Variants in CPAMD8 observed in about 807,000 individuals in gnomAD.
CPAMD8 encodes the protein C3 and PZP-like alpha-2-macroglobulin domain-containing protein 8.
Under a neutral mutation model 224.7 loss-of-function variants are expected in CPAMD8, and 146 were observed. The ratio of observed to expected loss-of-function variants is 0.65; its 90% CI spans 0.57 to 0.75. The LOEUF is 0.75. CPAMD8 is among the 30% of genes least tolerant of loss of function. The probability of loss-of-function intolerance (pLI) is 0.00; values close to 1 mark genes in which losing one functional copy is unlikely to be tolerated. For missense variants in CPAMD8, 2,301 were observed against 2,537.5 expected (o/e 0.91, Z 2.00); for synonymous variants, 966 against 1,044.6 (o/e 0.92, Z 1.45).
At chr19:16,941,792 G>C (rs1165081252) in intron 22 of CPAMD8, among the ~76,000 whole-genome samples, 2 of 152,052 alleles carry the variant, frequency 1.3e-5, no homozygotes, top group African/African-American at 4.8e-5. Flanking sequence ...GGCCAACATG[G>C]TGAAACCCTG....
At chr19:17,017,107 A>C (rs1027919701) in intron 3 of CPAMD8, among the ~76,000 whole-genome samples, 1 of 152,076 alleles carries the variant, frequency 6.6e-6, no homozygotes, top group Non-Finnish European at 1.5e-5. Context: ...CTCCCATCAG[A>C]TCAGTGGTGG....
At chr19:16,919,784 T>C (rs561872497) in intron 27 of CPAMD8, among the ~76,000 whole-genome samples, 4 of 152,294 alleles carry the variant, frequency 2.6e-5, no homozygotes, top group South Asian at 4.2e-4. Context: ...TGAATGAATG[T>C]GCGTTGAGTA....
In CPAMD8 at chr19:16,907,108, C is replaced by T; in HGVS notation, c.3871G>A (p.Gly1291Ser). The change falls in exon 30 of 42, where the codon GGC (glycine) becomes AGC (serine). Residue 1291 changes from glycine (G) to serine (S), a missense_variant. By Grantham distance (56) the Gly-to-Ser change is moderately conservative. This residue lies in a region of CPAMD8 where 1,709 missense variants were observed against 1,753.2 expected (regional missense o/e 0.97). Coordinates refer to ENST00000443236, the MANE Select transcript of CPAMD8 (RefSeq NM_015692.5). ...ETGTASEEERGSTDKARHFLE... is the reference protein window; with the variant it reads ...ETGTASEEERSSTDKARHFLE... ...AAGTGCCTCGCTTTGTCAGTGGAGC[C>T]TCTCTCCTCCTGCAGGGTGGGGTGG... 1 of 1,560,254 alleles carries T rather than the reference C, an allele frequency of 6.4e-7. No homozygotes were observed. The highest frequency in any genetic ancestry group is 8.7e-7 in the Non-Finnish European group (1 of 1,151,250).
In CPAMD8 at chr19:16,902,516, C is replaced by CA. The variant is rs1188076710; in HGVS notation, c.4685+132dup. On this transcript the variant is annotated intron_variant, in intron 35 of 41. Coordinates refer to ENST00000443236, the MANE Select transcript of CPAMD8 (RefSeq NM_015692.5). The stretch of plus-strand genomic sequence containing the variant: ...TGGGCGACAGGGTGAGACTCTGTCT[C>CA]AAAAAAACAAAACAAAACAAAAACC... 1.3e-5 allele frequency: 8 copies of CA among 622,602 alleles called. 1 individual carries two copies. Among genetic ancestry groups the CA allele is most frequent in the South Asian group, 5.7e-5 (3 of 53,012 alleles). The allele number at this position is 622,602 out of a possible 1,614,324, so 38.6% of individuals were successfully genotyped here.
At chr19:16,987,347 C>T (rs999425429) in intron 13 of CPAMD8, among the ~76,000 whole-genome samples, 11 of 151,436 alleles carry the variant, frequency 7.3e-5, no homozygotes, top group Non-Finnish European at 1.5e-4. Context: ...TCTTCCACCT[C>T]TGCCCAAGCA....
chr19:16,906,074 C>G (rs2052465062), intron 30 of CPAMD8, among the ~76,000 whole-genome samples: 1 of 152,160 alleles, frequency 6.6e-6, no homozygotes, highest in Non-Finnish European at 1.5e-5. Context: ...GGATCCCTCT[C>G]TGAGAACTCC....
intron 12 of CPAMD8, among the ~76,000 whole-genome samples, chr19:16,990,086 T>C (rs1182441557): frequency 6.6e-6 from 1 of 151,900 alleles, no homozygotes; most frequent in Admixed American, 6.6e-5. Flanking sequence ...ACCCCGTCTC[T>C]ACTGAAAAAA....
chr19:16,922,039 C>T lies in CPAMD8; in HGVS notation c.3548-53G>A, dbSNP rs1004400827. The T allele has an allele frequency of 3.1e-5, 40 of 1,286,192 alleles. No individual in the cohort carries two copies. In the Admixed American group the frequency reaches 4.1e-4, roughly 13 times the overall value. The allele number at this position is 1,286,192 out of a possible 1,614,324, so 79.7% of individuals were successfully genotyped here. On this transcript the variant is annotated intron_variant, in intron 26 of 41. Transcript: ENST00000443236. ...CCTGTTGAGTGGCCTGGCCCAGGCC[C>T]GCCCCCAGGGACCTACACCACTCTG...
At chr19:16,897,865 G>A (rs769904307) in intron 38 of CPAMD8, 24 bp downstream of exon 38, 8 of 1,590,204 alleles carry the variant, frequency 5.0e-6, no homozygotes, top group Non-Finnish European at 6.9e-6. Context: ...GGGCCGGGCC[G>A]GGGGTGCGGG....
intron 15 of CPAMD8, among the ~76,000 whole-genome samples, chr19:16,976,424 T>C (rs1482894521): frequency 1.3e-5 from 2 of 151,488 alleles, no homozygotes; most frequent in Non-Finnish European, 2.9e-5. Flanking sequence ...TGCAGGGAGC[T>C]GAGAGAGTGT....
chr19:16,922,880 T>C (rs919229938), intron 26 of CPAMD8, among the ~76,000 whole-genome samples: 1 of 152,184 alleles, frequency 6.6e-6, no homozygotes, highest in African/African-American at 2.4e-5. Context: ...CCACACTACA[T>C]CTAGGGTGGC....
intron 10 of CPAMD8, among the ~76,000 whole-genome samples, chr19:16,998,304 A>G (rs2056200755): frequency 6.6e-6 from 1 of 152,142 alleles, no homozygotes; most frequent in African/African-American, 2.4e-5. Context: ...TACTAAAAAT[A>G]CAAAAATTAT....
intron 29 of CPAMD8, among the ~76,000 whole-genome samples, chr19:16,907,898 C>T (rs568529097): frequency 3.9e-5 from 6 of 152,282 alleles, no homozygotes; most frequent in East Asian, 3.9e-4. Context: ...TGAGCCACTG[C>T]CCCTGGCTCC....
intron 23 of CPAMD8, among the ~76,000 whole-genome samples, chr19:16,932,671 A>G (rs2053580028): frequency 6.6e-6 from 1 of 152,208 alleles, no homozygotes; most frequent in Non-Finnish European, 1.5e-5. Flanking sequence ...GATAAAAGAA[A>G]GAACAAAGCC....
At chr19:16,919,270 A>T (rs182462629) in intron 27 of CPAMD8, among the ~76,000 whole-genome samples, 1 of 152,116 alleles carries the variant, frequency 6.6e-6, no homozygotes, top group Non-Finnish European at 1.5e-5. Flanking sequence ...TGTAAGACCA[A>T]GTAACAAAAG....
chr19:17,014,599 G>T (rs144787859), intron 3 of CPAMD8, among the ~76,000 whole-genome samples: 1 of 152,156 alleles, frequency 6.6e-6, no homozygotes, highest in South Asian at 2.1e-4. Flanking sequence ...TGAAAGGCAC[G>T]TCTTACATGG....
At chr19:16,906,137 G>A (rs2052468013) in intron 30 of CPAMD8, among the ~76,000 whole-genome samples, 1 of 152,154 alleles carries the variant, frequency 6.6e-6, no homozygotes, top group East Asian at 1.9e-4. Context: ...AGTGATGCTT[G>A]GGGCTGGTGT....
chr19:16,955,083 G>A (rs190535932), intron 19 of CPAMD8, among the ~76,000 whole-genome samples: 2 of 152,092 alleles, frequency 1.3e-5, no homozygotes, highest in South Asian at 2.1e-4. Context: ...AGCCGAGATC[G>A]CACCACTGCA....
intron 8 of CPAMD8, among the ~76,000 whole-genome samples, chr19:17,003,732 C>G (rs557152620): frequency 2.0e-5 from 3 of 148,588 alleles, no homozygotes; most frequent in African/African-American, 7.4e-5. Flanking sequence ...GAGCCAAGAT[C>G]GCACCACTGC....
Sources: allele counts gnomAD v4.1 joint callset (sites outside exome capture counted in the v4.1 genomes callset), GRCh38; gene constraint gnomAD v4.1.1; regional missense constraint gnomAD v4.1.1; transcripts MANE v1.5; gene names NCBI Gene and HGNC (gene_info 2026-07-23, HGNC 2026-07-21).